Variants in DENND1B observed in about 807,000 individuals in gnomAD.
DENND1B encodes DENN domain containing 1B.
A neutral mutation model predicts 90.1 loss-of-function variants in DENND1B; 59 were observed. The ratio of observed to expected loss-of-function variants is 0.65; its 90% CI spans 0.53 to 0.81. The LOEUF (loss-of-function observed/expected upper bound fraction) is 0.81, where lower values mean the gene tolerates loss of function less well. DENND1B is among the 40% of genes least tolerant of loss of function. The pLI is 0.00. For missense variants in DENND1B, 862 were observed against 912.6 expected (o/e 0.94, Z 0.71); for synonymous variants, 337 against 324.6 (o/e 1.04, Z -0.41).
chr1:197,565,852 G>A (rs1039628537), intron 15 of DENND1B, among the ~76,000 whole-genome samples: 7 of 149,238 alleles, frequency 4.7e-5, no homozygotes, highest in African/African-American at 1.7e-4. Context: ...GTATTCCATG[G>A]TGTATATGTG....
intron 15 of DENND1B, among the ~76,000 whole-genome samples, chr1:197,565,551 C>T (rs1234838601): frequency 6.6e-6 from 1 of 151,506 alleles, no homozygotes; most frequent in East Asian, 1.9e-4. Flanking sequence ...AGGTTAGTTA[C>T]ATATGCATAC....
intron 11 of DENND1B, among the ~76,000 whole-genome samples, chr1:197,612,941 A>G (rs1677309507): frequency 6.6e-6 from 1 of 150,858 alleles, no homozygotes; most frequent in Admixed American, 6.6e-5. Context: ...ATCTAACAGA[A>G]AAACATGAGA....
chr1:197,765,569 A>G (rs1655603723), intron 2 of DENND1B, among the ~76,000 whole-genome samples: 1 of 152,214 alleles, frequency 6.6e-6, no homozygotes, highest in Non-Finnish European at 1.5e-5. Context: ...AATATTATCA[A>G]AAGCACATCA....
chr1:197,556,431 G>T (rs1321314965), intron 15 of DENND1B, among the ~76,000 whole-genome samples: 1 of 151,926 alleles, frequency 6.6e-6, no homozygotes, highest in Non-Finnish European at 1.5e-5. Flanking sequence ...ATGCTTTTGA[G>T]TGAAAACTGT....
At chr1:197,658,045 A>G (rs995449446) in intron 6 of DENND1B, among the ~76,000 whole-genome samples, 6 of 152,192 alleles carry the variant, frequency 3.9e-5, no homozygotes, top group African/African-American at 1.4e-4. Flanking sequence ...TACATAGACT[A>G]TTCAGATTCA....
chr1:197,541,554 CA>C (rs1411415350), intron 18 of DENND1B, among the ~76,000 whole-genome samples: 2 of 152,172 alleles, frequency 1.3e-5, no homozygotes, highest in African/African-American at 4.8e-5. Flanking sequence ...TCATGTTTCA[CA>C]GGGAACCTGG....
At chr1:197,611,047 T>C (rs2125847033) in intron 12 of DENND1B, among the ~76,000 whole-genome samples, 1 of 150,938 alleles carries the variant, frequency 6.6e-6, no homozygotes, top group African/African-American at 2.4e-5. Flanking sequence ...AGACTCATCT[T>C]TGATCAAAGT....
intron 15 of DENND1B, among the ~76,000 whole-genome samples, chr1:197,581,396 A>G (rs1206262142): frequency 2.0e-5 from 3 of 152,184 alleles, no homozygotes; most frequent in Non-Finnish European, 4.4e-5. Context: ...GTCCTTGAAC[A>G]AACTGTATTT....
At chr1:197,527,245 G>A (rs902373051) in intron 20 of DENND1B, among the ~76,000 whole-genome samples, 12 of 151,488 alleles carry the variant, frequency 7.9e-5, no homozygotes, top group African/African-American at 2.7e-4. Flanking sequence ...GGACATGGAC[G>A]TGTGTTAAAA....
chr1:197,775,018 C>A, intron 1 of DENND1B, 121 bp downstream of exon 1: 1 of 633,842 alleles, frequency 1.6e-6, no homozygotes, highest in African/African-American at 1.9e-5. Flanking sequence ...CCCCAGCCCG[C>A]CCGGCCAACC....
At chr1:197,650,511 A>G (rs1653016102) in intron 7 of DENND1B, among the ~76,000 whole-genome samples, 2 of 152,212 alleles carry the variant, frequency 1.3e-5, no homozygotes, top group South Asian at 4.1e-4. Flanking sequence ...CAATCCCAGT[A>G]CTGGGTATCT....
chr1:197,607,208 G>T lies in DENND1B; in HGVS notation c.820-34C>A, dbSNP rs748444007. The T allele has an allele frequency of 2.2e-5, 30 of 1,374,300 alleles. No homozygotes were observed. The Middle Eastern group carries it at 9.8e-4, about 45-fold the overall frequency. The allele number at this position is 1,374,300 out of a possible 1,614,324, so 85.1% of individuals were successfully genotyped here. A position where few individuals can be genotyped will look rare whatever the true frequency, so the allele number is the denominator to read the frequency against. ...AAAACACAATTATGAATACAAATCAGTATATTTACTTTACAAAGTTATGAT... is the reference window on the plus strand; with the variant it reads ...AAAACACAATTATGAATACAAATCATTATATTTACTTTACAAAGTTATGAT... On this transcript the variant is annotated intron_variant, in intron 12 of 22. Transcript: ENST00000620048.
At chr1:197,667,227 T>C (rs1157914229) in intron 5 of DENND1B, among the ~76,000 whole-genome samples, 4 of 151,940 alleles carry the variant, frequency 2.6e-5, no homozygotes, top group Non-Finnish European at 5.9e-5. Flanking sequence ...AAGAAATTAA[T>C]TTTAGGTGTC....
At chr1:197,648,770 A>G (rs201195532) in intron 7 of DENND1B, among the ~76,000 whole-genome samples, 1 of 152,008 alleles carries the variant, frequency 6.6e-6, no homozygotes, top group Non-Finnish European at 1.5e-5. Context: ...CTTTCCCCCA[A>G]TTCTTTCACT....
chr1:197,732,944 G>A (rs576745498), intron 2 of DENND1B, among the ~76,000 whole-genome samples: 1 of 152,258 alleles, frequency 6.6e-6, no homozygotes, highest in Admixed American at 6.5e-5. Flanking sequence ...TGTATCAACA[G>A]AATAGGTATC....
At chr1:197,647,339 G>C (rs1040365379) in intron 7 of DENND1B, among the ~76,000 whole-genome samples, 3 of 151,988 alleles carry the variant, frequency 2.0e-5, no homozygotes, top group African/African-American at 2.4e-5. Context: ...GAATGCTGTG[G>C]ATATTTGACG....
intron 15 of DENND1B, among the ~76,000 whole-genome samples, chr1:197,564,171 T>C (rs972496493): frequency 1.3e-5 from 2 of 151,536 alleles, no homozygotes; most frequent in African/African-American, 4.8e-5. Context: ...AGCAGAAGGG[T>C]TTGAGAAGAT....
intron 16 of DENND1B, chr1:197,552,428 A>G: frequency 1.0e-6 from 1 of 985,474 alleles, no homozygotes; most frequent in Non-Finnish European, 1.2e-6. Flanking sequence ...CAGTTTGTAA[A>G]TTATTAATTG....
At chr1:197,691,761 G>A (rs754331315) in intron 3 of DENND1B, among the ~76,000 whole-genome samples, 6 of 151,806 alleles carry the variant, frequency 4.0e-5, no homozygotes, top group Non-Finnish European at 8.8e-5. Flanking sequence ...ACATACAATG[G>A]AAAATTACTC....
Sources: allele counts gnomAD v4.1 joint callset (sites outside exome capture counted in the v4.1 genomes callset), GRCh38; gene constraint gnomAD v4.1.1; transcripts MANE v1.5; gene names NCBI Gene and HGNC (gene_info 2026-07-23, HGNC 2026-07-21).